Variants in TRIM71 observed in about 807,000 individuals in gnomAD.
TRIM71 encodes the protein tripartite motif containing 71.
Under a neutral mutation model 61.2 loss-of-function variants are expected in TRIM71, and 9 were observed. The ratio of observed to expected loss-of-function variants is 0.15; its 90% CI spans 0.09 to 0.26. The LOEUF is 0.26. TRIM71 is among the 10% of genes least tolerant of loss of function. The pLI is 1.00. For synonymous variants in TRIM71, 645 were observed against 553.2 expected, an observed-to-expected ratio of 1.17 and a Z score of -2.33; for missense variants, 998 against 1,238.7, an observed-to-expected ratio of 0.81 and a Z score of 2.92.
intron 1 of TRIM71, among the ~76,000 whole-genome samples, chr3:32,829,743 A>G (rs972730998): frequency 2.6e-5 from 4 of 152,014 alleles, no homozygotes; most frequent in Non-Finnish European, 5.9e-5. Flanking sequence ...AAGCTTCTCC[A>G]TTACAAATGG....
chr3:32,836,488 G>A (rs1385473627), intron 1 of TRIM71, among the ~76,000 whole-genome samples: 1 of 152,146 alleles, frequency 6.6e-6, no homozygotes, highest in Non-Finnish European at 1.5e-5. Flanking sequence ...GCCATAGTTT[G>A]CCTCCATTTA....
In TRIM71 at chr3:32,858,310, T is replaced by A. The variant is rs866847251; in HGVS notation, c.853-15508T>A. On this transcript the variant is annotated intron_variant, in intron 1 of 3. Coordinates refer to ENST00000383763, the MANE Select transcript of TRIM71 (RefSeq NM_001039111.3). ...TGTTAACAGTTAAGCCTAGACATCG[T>A]GAGCAAACCTGCCCAGACTGACGGT... 6.6e-5 allele frequency among the ~76,000 whole-genome samples: 10 copies of A among 152,318 alleles called. No homozygotes were observed. In the South Asian group the frequency reaches 1.7e-3, roughly 25 times the overall value.
At chr3:32,874,050 T>A (rs1696826200) in intron 2 of TRIM71, 65 bp downstream of exon 2, 1 of 1,504,056 alleles carries the variant, frequency 6.6e-7, no homozygotes, top group Non-Finnish European at 8.9e-7. Flanking sequence ...TCGGGTGGCA[T>A]GGACAGACAA....
chr3:32,855,951 C>T (rs1475848960), intron 1 of TRIM71, among the ~76,000 whole-genome samples: 1 of 152,198 alleles, frequency 6.6e-6, no homozygotes, highest in Non-Finnish European at 1.5e-5. Flanking sequence ...TTGGTGCTGA[C>T]TTAGGCAGAG....
At chr3:32,839,041 T>C (rs917538787) in intron 1 of TRIM71, among the ~76,000 whole-genome samples, 2 of 151,858 alleles carry the variant, frequency 1.3e-5, no homozygotes, top group African/African-American at 4.8e-5. Context: ...CCTCAGTTGA[T>C]CTGTCCGCCT....
intron 2 of TRIM71, among the ~76,000 whole-genome samples, chr3:32,881,742 A>G (rs776177834): frequency 6.6e-6 from 1 of 152,032 alleles, no homozygotes; most frequent in Non-Finnish European, 1.5e-5. Flanking sequence ...ATTTCCCCCA[A>G]CCTATCTGCC....
intron 1 of TRIM71, among the ~76,000 whole-genome samples, chr3:32,866,341 T>C (rs1696736515): frequency 6.6e-6 from 1 of 151,900 alleles, no homozygotes; most frequent in Non-Finnish European, 1.5e-5. Context: ...CTCTGCCCCC[T>C]GGGTTCAATC....
chr3:32,829,016 C>T (rs1233009206), intron 1 of TRIM71, among the ~76,000 whole-genome samples: 3 of 147,854 alleles, frequency 2.0e-5, no homozygotes, highest in South Asian at 2.2e-4. Context: ...TTTTTTGACA[C>T]GGACTTTCCC....
chr3:32,858,478 T>C (rs972296702), intron 1 of TRIM71, among the ~76,000 whole-genome samples: 1 of 152,186 alleles, frequency 6.6e-6, no homozygotes, highest in Non-Finnish European at 1.5e-5. Context: ...TGTGGCCTCA[T>C]AGTCTCTGAG....
chr3:32,861,386 C>T (rs1696666785), intron 1 of TRIM71, among the ~76,000 whole-genome samples: 1 of 150,310 alleles, frequency 6.7e-6, no homozygotes, highest in African/African-American at 2.4e-5. Flanking sequence ...CCTACCTTGG[C>T]CTCCCAAAGT....
At chr3:32,867,340 A>G (rs1456898650) in intron 1 of TRIM71, among the ~76,000 whole-genome samples, 1 of 152,246 alleles carries the variant, frequency 6.6e-6, no homozygotes, top group South Asian at 2.1e-4. Context: ...AGTGAAATAC[A>G]TAAACATTTA....
intron 1 of TRIM71, among the ~76,000 whole-genome samples, chr3:32,837,205 T>A (rs1339989681): frequency 1.3e-5 from 2 of 152,248 alleles, no homozygotes; most frequent in African/African-American, 4.8e-5. Context: ...TCTTTATGAC[T>A]GTCTGTAATT....
At chr3:32,819,882 A>G (rs1239151113) in intron 1 of TRIM71, among the ~76,000 whole-genome samples, 1 of 152,212 alleles carries the variant, frequency 6.6e-6, no homozygotes, top group African/African-American at 2.4e-5. Context: ...CGGAGTGCAA[A>G]GGCTTTTAGG....
intron 2 of TRIM71, among the ~76,000 whole-genome samples, chr3:32,881,371 G>A (rs1181411670): frequency 2.6e-5 from 4 of 152,144 alleles, no homozygotes; most frequent in East Asian, 1.9e-4. Context: ...CAGTATGGTC[G>A]CCTACAAGTG....
intron 1 of TRIM71, among the ~76,000 whole-genome samples, chr3:32,837,031 G>A (rs1047500759): frequency 6.6e-6 from 1 of 151,990 alleles, no homozygotes; most frequent in Non-Finnish European, 1.5e-5. Context: ...TATCTTCATT[G>A]GATTTTTAAA....
intron 2 of TRIM71, among the ~76,000 whole-genome samples, chr3:32,881,158 A>T (rs1696903517): frequency 6.6e-6 from 1 of 151,994 alleles, no homozygotes; most frequent in Non-Finnish European, 1.5e-5. Context: ...AGTTGGGATT[A>T]CAGGTACCCG....
chr3:32,868,521 G>A (rs1696763010), intron 1 of TRIM71, among the ~76,000 whole-genome samples: 1 of 152,082 alleles, frequency 6.6e-6, no homozygotes, highest in Non-Finnish European at 1.5e-5. Flanking sequence ...ATACCATGCA[G>A]CCATTCGGAA....
At chr3:32,876,110 A>G (rs1696849806) in intron 2 of TRIM71, among the ~76,000 whole-genome samples, 1 of 152,070 alleles carries the variant, frequency 6.6e-6, no homozygotes, top group South Asian at 2.1e-4. Flanking sequence ...CTCCTTTGTC[A>G]GTGTCTTCAC....
intron 1 of TRIM71, among the ~76,000 whole-genome samples, chr3:32,823,470 A>G (rs1696163045): frequency 6.6e-6 from 1 of 152,302 alleles, no homozygotes; most frequent in African/African-American, 2.4e-5. Context: ...GATAAACTAT[A>G]GTGGTTTTAG....
Sources: gnomAD v4.1 joint callset for allele counts (sites outside exome capture counted in the v4.1 genomes callset) on GRCh38, gnomAD v4.1.1 for gene constraint, MANE v1.5 for transcripts, NCBI Gene and HGNC (gene_info 2026-07-23, HGNC 2026-07-21) for gene names.